EBF3: variants seen among roughly 807,000 people sequenced by gnomAD.
The protein encoded by EBF3 is transcription factor COE3.
Under a neutral mutation model 77.1 loss-of-function variants are expected in EBF3, and 18 were observed. The observed-to-expected ratio is 0.23, with a 90% CI of 0.16 to 0.35. The LOEUF (loss-of-function observed/expected upper bound fraction) is 0.35. EBF3 is among the 10% of genes least tolerant of loss of function. The pLI is 1.00. For synonymous variants in EBF3, 350 were observed against 343.5 expected, an observed-to-expected ratio of 1.02 and a Z score of -0.21; for missense variants, 558 against 860.0, an observed-to-expected ratio of 0.65 and a Z score of 4.39.
intron 6 of EBF3, among the ~76,000 whole-genome samples, chr10:129,929,514 G>A (rs761939707): frequency 7.2e-5 from 11 of 152,172 alleles, no homozygotes; most frequent in Admixed American, 2.0e-4. Flanking sequence ...CCAGGAGGAT[G>A]GCCTTCTTAA....
intron 6 of EBF3, among the ~76,000 whole-genome samples, chr10:129,933,079 G>A (rs1857135403): frequency 6.6e-6 from 1 of 152,058 alleles, no homozygotes; most frequent in Non-Finnish European, 1.5e-5. Flanking sequence ...GCAGTGACAG[G>A]TGATTAAAAT....
At position 129,837,960 on chromosome 10, in the gene EBF3, G is replaced by A. The variant is rs148915750; in HGVS notation, c.1873C>T (p.Leu625=). 18 of 1,613,976 alleles carry A rather than the reference G, an allele frequency of 1.1e-5. No homozygotes were observed. The highest frequency in any genetic ancestry group is 1.6e-4 in the Middle Eastern group (1 of 6,080). ...ELMLKKGTGK[L]CLGW ...TGGCGGGACTACCAGCCCAGACATA[G>A]CTGCAAGACAGAAGGACAGAGCAGT... The change falls in exon 17 of 17, where the codon CTA becomes TTA. Residue 625 remains leucine, a splice_region_variant and synonymous_variant. Coordinates refer to ENST00000440978, the MANE Select transcript of EBF3 (RefSeq NM_001375380.1).
rs1222848703 is a variant in EBF3, at chr10:129,958,538, A to G, written c.485+396T>C. On this transcript the variant is annotated intron_variant, in intron 5 of 16. Coordinates refer to ENST00000440978, the MANE Select transcript of EBF3 (RefSeq NM_001375380.1). ...ATACACGCGCGCTATAGTAAGTACAAAAGAGTTTCCTTTTTATCAATAACA... is the reference window on the plus strand; with the variant it reads ...ATACACGCGCGCTATAGTAAGTACAGAAGAGTTTCCTTTTTATCAATAACA... Among the ~76,000 whole-genome samples the G allele has an allele frequency of 6.6e-5, 10 of 152,304 alleles. No individual in the cohort carries two copies. In the South Asian group the frequency reaches 1.2e-3, roughly 19 times the overall value.
intron 6 of EBF3, among the ~76,000 whole-genome samples, chr10:129,896,607 C>T (rs976115131): frequency 6.6e-6 from 1 of 152,210 alleles, no homozygotes; most frequent in Non-Finnish European, 1.5e-5. Context: ...TGGGGCGCGG[C>T]CTCCTGGCGA....
At position 129,963,084 on chromosome 10, in the gene EBF3, C is replaced by A; in HGVS notation, c.292-79G>T. On this transcript the variant is annotated intron_variant, in intron 2 of 16. Coordinates refer to ENST00000440978, the MANE Select transcript of EBF3 (RefSeq NM_001375380.1). This position sits in a 1 kb window ranked among gnomAD's most constrained non-coding sequence, Gnocchi z 7.1. ...ACCACGCTCGGTCCCCCTCCGCGACCGAGGCTCTCGGCCTCACACATGGCA... is the reference window on the plus strand; with the variant it reads ...ACCACGCTCGGTCCCCCTCCGCGACAGAGGCTCTCGGCCTCACACATGGCA... The A allele has an allele frequency of 6.4e-7, 1 of 1,553,796 alleles. No individual in the cohort carries two copies. Among genetic ancestry groups the A allele is most frequent in the South Asian group, 1.1e-5 (1 of 89,722 alleles).
rs894503622 is a variant in EBF3, at chr10:129,952,439, C to G, written c.554+4819G>C. Among the ~76,000 whole-genome samples, 1 of 152,160 alleles carries G rather than the reference C, an allele frequency of 6.6e-6. No individual in the cohort carries two copies. The highest frequency in any genetic ancestry group is 1.5e-5 in the Non-Finnish European group (1 of 68,036). ...TCCTCCTTGACAGGCCGGGGCTTAG[C>G]CAAAATGTAAATGACATTAAAGAAG... On this transcript the variant is annotated intron_variant, in intron 6 of 16. Coordinates refer to ENST00000440978, the MANE Select transcript of EBF3 (RefSeq NM_001375380.1). The surrounding 1 kb of genome is among the most constrained non-coding windows in gnomAD (Gnocchi z 4.7).
At chr10:129,930,000 C>T (rs753350208) in intron 6 of EBF3, among the ~76,000 whole-genome samples, 5 of 152,038 alleles carry the variant, frequency 3.3e-5, no homozygotes, top group South Asian at 2.1e-4. Context: ...GTTAGGGGCC[C>T]GGAGAGAACA....
rs530383476 is a variant in EBF3, at chr10:129,874,080, A to C, written c.637-484T>G. The stretch of plus-strand genomic sequence containing the variant: ...TAAATCAGGAACATTCCTACTGCCC[A>C]CATTTTATCAGGAAACGATCCCTGG... On this transcript the variant is annotated intron_variant, in intron 7 of 16. Coordinates refer to ENST00000440978, the MANE Select transcript of EBF3 (RefSeq NM_001375380.1). 2.7e-3 allele frequency among the ~76,000 whole-genome samples: 415 copies of C among 152,346 alleles called. 2 individuals carry two copies. Among genetic ancestry groups the C allele is most frequent in the Middle Eastern group, 3.4e-3 (1 of 294 alleles).
intron 10 of EBF3, among the ~76,000 whole-genome samples, chr10:129,865,498 C>T (rs377013343): frequency 6.6e-5 from 10 of 152,288 alleles, no homozygotes; most frequent in East Asian, 3.9e-4. Context: ...AGCTCCTGAG[C>T]GCCTGGTCCT....
intron 6 of EBF3, among the ~76,000 whole-genome samples, chr10:129,933,936 G>C (rs571687116): frequency 1.3e-5 from 2 of 152,016 alleles, no homozygotes; most frequent in African/African-American, 4.8e-5. Context: ...GCAGCTTCAC[G>C]GTCCCAGAGA....
chr10:129,951,013 TTGAATTC>T (rs1262700396), intron 6 of EBF3, among the ~76,000 whole-genome samples: 1 of 152,244 alleles, frequency 6.6e-6, no homozygotes, highest in Non-Finnish European at 1.5e-5. Flanking sequence ...TTGCCACTGT[TTGAATTC>T]TGATAAATTA....
In EBF3 at chr10:129,837,012, C is replaced by G. The variant is rs1849652859; in HGVS notation, c.*931G>C. The G allele has an allele frequency of 6.6e-6, 1 of 152,548 alleles. No homozygotes were observed. Among genetic ancestry groups the G allele is most frequent in the South Asian group, 2.1e-4 (1 of 4,824 alleles). The allele number at this position is 152,548 out of a possible 1,614,324, so 9.4% of individuals were successfully genotyped here. ...CAAGTGTATAAATATTTAGCTACAA[C>G]TTTGGCAAAATCACAAAAGTCTACA... On this transcript the variant is annotated 3_prime_UTR_variant, in exon 17 of 17. Coordinates refer to ENST00000440978, the MANE Select transcript of EBF3 (RefSeq NM_001375380.1).
chr10:129,910,117 G>A (rs1022540989), intron 6 of EBF3, among the ~76,000 whole-genome samples: 1 of 152,190 alleles, frequency 6.6e-6, no homozygotes, highest in Non-Finnish European at 1.5e-5. Context: ...GCCCGGGGCT[G>A]GAGCCCACTC....
intron 6 of EBF3, among the ~76,000 whole-genome samples, chr10:129,951,906 G>GA (rs1201685220): frequency 1.3e-5 from 2 of 152,332 alleles, no homozygotes; most frequent in Admixed American, 6.5e-5. Flanking sequence ...AGTTTAGGGG[G>GA]AAAAATTGAA....
intron 4 of EBF3, among the ~76,000 whole-genome samples, chr10:129,961,589 C>T (rs866117016): frequency 3.9e-5 from 6 of 152,104 alleles, no homozygotes; most frequent in African/African-American, 1.2e-4. Flanking sequence ...GAGCAGTGGA[C>T]GGGTTGGAGT....
At chr10:129,838,053 T>G in intron 16 of EBF3, 93 bp from the exon 17 acceptor site, 3 of 1,483,296 alleles carry the variant, frequency 2.0e-6, no homozygotes, top group Non-Finnish European at 2.8e-6. Context: ...TCCCCCCTAT[T>G]CAACTGGGAG....
intron 10 of EBF3, among the ~76,000 whole-genome samples, chr10:129,849,701 A>G (rs1311137586): frequency 6.6e-6 from 1 of 152,210 alleles, no homozygotes; most frequent in East Asian, 1.9e-4. Flanking sequence ...TCCATCATAC[A>G]TCCCGGAGAT....
At chr10:129,862,772 T>C (rs1851731189) in intron 10 of EBF3, among the ~76,000 whole-genome samples, 1 of 152,224 alleles carries the variant, frequency 6.6e-6, no homozygotes, top group South Asian at 2.1e-4. Context: ...CAAATTCCAA[T>C]CTGTCTTAAT....
Position 129,963,107 on chromosome 10 carries a change from G to T in EBF3, c.292-102C>A. 2 of 1,437,676 alleles carry T rather than the reference G, an allele frequency of 1.4e-6. No homozygotes were observed. The highest frequency in any genetic ancestry group is 2.0e-6 in the Non-Finnish European group (2 of 1,022,124). The allele number at this position is 1,437,676 out of a possible 1,614,324, so 89.1% of individuals were successfully genotyped here. On this transcript the variant is annotated intron_variant, in intron 2 of 16. Transcript: ENST00000440978. This position sits in a 1 kb window ranked among gnomAD's most constrained non-coding sequence, Gnocchi z 7.1. ...ACCGAGGCTCTCGGCCTCACACATG[G>T]CAGGATTCCTAGCTCGAAGCAGCGC...
Sources: gnomAD v4.1 joint callset for allele counts (sites outside exome capture counted in the v4.1 genomes callset) on GRCh38, gnomAD v4.1.1 for gene constraint, Gnocchi (gnomAD v3.1) non-coding constraint, MANE v1.5 for transcripts, NCBI Gene and HGNC (gene_info 2026-07-23, HGNC 2026-07-21) for gene names.